ZNF732: variants seen among roughly 807,000 people sequenced by gnomAD.
ZNF732 encodes the protein zinc finger protein 732.
A neutral mutation model predicts 11.5 loss-of-function variants in ZNF732; 12 were observed. The ratio of observed to expected loss-of-function variants is 1.05; its 90% CI spans 0.67 to 1.70. The LOEUF (loss-of-function observed/expected upper bound fraction) is 1.70. ZNF732 is among the 40% of genes most tolerant of loss of function. ZNF732 has a pLI of 0.00. For missense variants in ZNF732, 702 were observed against 676.9 expected (o/e 1.04, Z -0.41); for synonymous variants, 231 against 236.5 (o/e 0.98, Z 0.21).
rs1469874212 is a variant in ZNF732, at chr4:270,687, G to A, written c.*412C>T. ...TGCCAGATTCCTTACATTTGTAGGT[G>A]TTCTCTCCATTATGAATTTTCTCAT... On this transcript the variant is annotated 3_prime_UTR_variant, in exon 4 of 4. Transcript: ENST00000419098. 2.1e-5 allele frequency: 8 copies of A among 386,274 alleles called. No individual in the cohort carries two copies. Among genetic ancestry groups the A allele is most frequent in the Admixed American group, 3.6e-5 (1 of 27,504 alleles). 23.9% of individuals were successfully genotyped at this position (386,274 alleles called of 1,614,324 possible).
chr4:299,374 T>C (rs1720033517), intron 1 of ZNF732, among the ~76,000 whole-genome samples: 2 of 56,236 alleles, frequency 3.6e-5, no homozygotes, highest in East Asian at 5.1e-4. Context: ...CATATGTGTA[T>C]ATATATATAC....
At chr4:296,761 G>T (rs1258510667) in intron 1 of ZNF732, among the ~76,000 whole-genome samples, 1 of 152,168 alleles carries the variant, frequency 6.6e-6, no homozygotes, top group Non-Finnish European at 1.5e-5. Context: ...TAATGCTGAT[G>T]TTCCTCCACC....
intron 1 of ZNF732, among the ~76,000 whole-genome samples, chr4:304,283 TTTC>T (rs1553844002): frequency 6.6e-6 from 1 of 151,610 alleles, no homozygotes; most frequent in Non-Finnish European, 1.5e-5. Flanking sequence ...TCAGAACTCC[TTTC>T]CTCTAAGTTC....
Position 299,620 on chromosome 4 carries a change from T to C in ZNF732, c.4-3465A>G, listed in dbSNP as rs542532257. On this transcript the variant is annotated intron_variant, in intron 1 of 3. Transcript: ENST00000419098. Reference sequence around the variant, plus strand: ...TATTTATAAATTATTTATATATAAATAATATATTTGTATATATTTATATAT... The same window carrying C: ...TATTTATAAATTATTTATATATAAACAATATATTTGTATATATTTATATAT... 7.7e-4 allele frequency among the ~76,000 whole-genome samples: 109 copies of C among 142,482 alleles called. 1 individual carries two copies. Among genetic ancestry groups the C allele is most frequent in the Admixed American group, 2.3e-3 (32 of 14,060 alleles). The allele number at this position is 142,482 out of a possible 152,430, so 93.5% of individuals were successfully genotyped here. A position where few individuals can be genotyped will look rare whatever the true frequency, so the allele number is the denominator to read the frequency against.
chr4:282,054 T>A (rs1719629371), intron 3 of ZNF732, among the ~76,000 whole-genome samples: 1 of 152,130 alleles, frequency 6.6e-6, no homozygotes, highest in South Asian at 2.1e-4. Flanking sequence ...ATAGTAGAAC[T>A]AAAATATTTA....
chr4:293,276 G>A (rs1447495680), intron 3 of ZNF732, among the ~76,000 whole-genome samples: 1 of 143,234 alleles, frequency 7.0e-6, no homozygotes, highest in African/African-American at 2.6e-5. Flanking sequence ...ATGTATATAT[G>A]TATGTGTATA....
intron 3 of ZNF732, among the ~76,000 whole-genome samples, chr4:274,352 A>G (rs1719450203): frequency 6.6e-6 from 1 of 151,588 alleles, no homozygotes; most frequent in Non-Finnish European, 1.5e-5. Flanking sequence ...ATTTTATGTA[A>G]TTCTCAAGAT....
intron 3 of ZNF732, among the ~76,000 whole-genome samples, chr4:287,327 G>A (rs1012067675): frequency 6.6e-6 from 1 of 150,948 alleles, no homozygotes; most frequent in African/African-American, 2.4e-5. Context: ...TGATTCTCCT[G>A]CCTCAGCCTC....
chr4:293,298 A>ATATATATATG (rs1553841676), intron 3 of ZNF732, among the ~76,000 whole-genome samples: 3 of 143,158 alleles, frequency 2.1e-5, no homozygotes, highest in African/African-American at 7.9e-5. Context: ...ATATATATAT[A>ATATATATATG]TGTGTGTGTG....
intron 1 of ZNF732, among the ~76,000 whole-genome samples, chr4:305,083 T>TGCGGGGCTGCGGGC (rs1720203142): frequency 6.6e-6 from 1 of 152,058 alleles, no homozygotes; most frequent in East Asian, 1.9e-4. Context: ...CCAGGGAAGG[T>TGCGGGGCTGCGGGC]GCGGGGCTGC....
chr4:296,938 G>A (rs1553842456), intron 1 of ZNF732, among the ~76,000 whole-genome samples: 1 of 152,160 alleles, frequency 6.6e-6, no homozygotes, highest in African/African-American at 2.4e-5. Flanking sequence ...TACAGAGGCT[G>A]GAGATGGTGT....
At chr4:291,069 C>G (rs1184552946) in intron 3 of ZNF732, among the ~76,000 whole-genome samples, 1 of 152,026 alleles carries the variant, frequency 6.6e-6, no homozygotes, top group East Asian at 1.9e-4. Flanking sequence ...AACAATTAGG[C>G]AAGGAAAAGG....
Position 271,025 on chromosome 4 carries a change from T to C in ZNF732, c.*74A>G, listed in dbSNP as rs2108650340. The C allele has an allele frequency of 1.7e-6, 2 of 1,199,822 alleles. No individual in the cohort carries two copies. The highest frequency in any genetic ancestry group is 1.5e-5 in the South Asian group (1 of 65,376). 74.3% of individuals were successfully genotyped at this position (1,199,822 alleles called of 1,614,324 possible). ...ACATTCTTCACATTTGTATAGTTTATTTCCAGTATAAATTTTCTTATGTTC... is the reference window on the plus strand; with the variant it reads ...ACATTCTTCACATTTGTATAGTTTACTTCCAGTATAAATTTTCTTATGTTC... On this transcript the variant is annotated 3_prime_UTR_variant, in exon 4 of 4. Coordinates refer to ENST00000419098, the MANE Select transcript of ZNF732 (RefSeq NM_001137608.3).
Position 271,715 on chromosome 4 carries a change from T to G in ZNF732, c.1142A>C (p.Lys381Thr). 6.2e-7 allele frequency: 1 copy of G among 1,612,302 alleles called. No homozygotes were observed. Among genetic ancestry groups the G allele is most frequent in the Non-Finnish European group, 8.5e-7 (1 of 1,179,310 alleles). The change falls in exon 4 of 4, where the codon AAG (lysine) becomes ACG (threonine). Residue 381 changes from lysine to threonine, a missense_variant. Physicochemically the swap from Lys to Thr is moderately conservative, Grantham distance 78. Transcript: ENST00000419098. ...GGGTTTCTCTCCAGTATGAATACTC[T>G]TATGTTTATTAAGGGTTGCGGATTG... The part of the protein sequence containing the change: ...FRQSATLNKH[K>T]SIHTGEKPYT...
At chr4:290,565 C>T (rs544624842) in intron 3 of ZNF732, among the ~76,000 whole-genome samples, 2 of 152,278 alleles carry the variant, frequency 1.3e-5, no homozygotes, top group Admixed American at 6.5e-5. Flanking sequence ...TGTGGCCATT[C>T]GTACACATTC....
intron 3 of ZNF732, among the ~76,000 whole-genome samples, chr4:287,010 G>A (rs960504950): frequency 4.3e-4 from 66 of 152,020 alleles, no homozygotes; most frequent in African/African-American, 1.6e-3. Context: ...AATTATCTGG[G>A]CGTGGTGGTG....
At chr4:292,890 C>CAAAAAAAAAAAAAAAAA (rs34118991) in intron 3 of ZNF732, among the ~76,000 whole-genome samples, 4 of 79,498 alleles carry the variant, frequency 5.0e-5, no homozygotes, top group Non-Finnish European at 5.2e-5. Context: ...ACTAAAAACA[C>CAAAAAAAAAAAAAAAAA]AAAAAAAAAA....
At chr4:305,137 C>T (rs1430548640) in intron 1 of ZNF732, among the ~76,000 whole-genome samples, 171 bp downstream of exon 1, 1 of 152,184 alleles carries the variant, frequency 6.6e-6, no homozygotes, top group Non-Finnish European at 1.5e-5. Context: ...GGGCCAAAGC[C>T]GCCTTGCGGG....
intron 3 of ZNF732, among the ~76,000 whole-genome samples, chr4:288,661 C>T (rs144580614): frequency 6.6e-6 from 1 of 152,180 alleles, no homozygotes; most frequent in African/African-American, 2.4e-5. Context: ...GTTCTAAAAA[C>T]AAGAAGTGTT....
Sources: gnomAD v4.1 joint callset for allele counts (sites outside exome capture counted in the v4.1 genomes callset) on GRCh38, gnomAD v4.1.1 for gene constraint, MANE v1.5 for transcripts, NCBI Gene and HGNC (gene_info 2026-07-23, HGNC 2026-07-21) for gene names.